Variants in CDH13 observed in about 807,000 individuals in gnomAD.
The protein encoded by CDH13 is cadherin-13.
CDH13 carries 24 observed loss-of-function variants against 63.8 expected under a neutral mutation model. That is an observed-to-expected ratio of 0.38 (90% CI 0.27 to 0.53). The LOEUF is 0.53. CDH13 is among the 20% of genes least tolerant of loss of function. CDH13 has a pLI of 0.85. For synonymous variants in CDH13, 503 were observed against 355.3 expected, an observed-to-expected ratio of 1.42 and a Z score of -4.67; for missense variants, 1,049 against 903.1, an observed-to-expected ratio of 1.16 and a Z score of -2.07.
intron 4 of CDH13, among the ~76,000 whole-genome samples, chr16:83,133,248 A>G (rs184303053): frequency 2.0e-5 from 3 of 152,338 alleles, no homozygotes; most frequent in South Asian, 2.1e-4. Context: ...CGCAATGTCC[A>G]CACTGAGATG....
At chr16:82,982,826 A>G (rs748167147) in intron 2 of CDH13, among the ~76,000 whole-genome samples, 1 of 152,138 alleles carries the variant, frequency 6.6e-6, no homozygotes, top group Non-Finnish European at 1.5e-5. Flanking sequence ...ATTTCCCAGT[A>G]TTTATTGAGG....
At chr16:82,977,411 G>A (rs1909666703) in intron 2 of CDH13, among the ~76,000 whole-genome samples, 4 of 152,184 alleles carry the variant, frequency 2.6e-5, no homozygotes, top group Non-Finnish European at 1.5e-5. Flanking sequence ...ATCTTGAATT[G>A]TAGTTCCCAT....
chr16:83,605,790 T>G (rs924562176), intron 8 of CDH13, among the ~76,000 whole-genome samples: 3 of 152,332 alleles, frequency 2.0e-5, no homozygotes, highest in Admixed American at 2.0e-4. Context: ...CCACCTCCCC[T>G]CCAGGTTAAA....
chr16:83,411,874 A>G (rs1227205027), intron 6 of CDH13, among the ~76,000 whole-genome samples: 1 of 152,214 alleles, frequency 6.6e-6, no homozygotes, highest in Non-Finnish European at 1.5e-5. Context: ...TTTATAAGGT[A>G]GATAGTAACA....
At chr16:83,572,175 G>GTTTTGTGTGT (rs145519267) in intron 7 of CDH13, among the ~76,000 whole-genome samples, 26 of 145,586 alleles carry the variant, frequency 1.8e-4, no homozygotes, top group African/African-American at 5.9e-4. Flanking sequence ...ACTTTCCTGT[G>GTTTTGTGTGT]GTGTGTGTGT....
intron 4 of CDH13, among the ~76,000 whole-genome samples, chr16:83,165,017 T>C (rs1298828864): frequency 6.8e-6 from 1 of 148,148 alleles, no homozygotes; most frequent in African/African-American, 2.5e-5. Flanking sequence ...GCCAGCACAC[T>C]CTCTGCCCAG....
At chr16:83,458,321 G>A (rs1172627823) in intron 6 of CDH13, among the ~76,000 whole-genome samples, 1 of 152,140 alleles carries the variant, frequency 6.6e-6, no homozygotes, top group East Asian at 1.9e-4. Context: ...CATTCTTGTA[G>A]CAAAATCTCA....
At chr16:83,619,128 ACATTCATT>A (rs75587049) in intron 8 of CDH13, among the ~76,000 whole-genome samples, 1 of 152,204 alleles carries the variant, frequency 6.6e-6, no homozygotes, top group Non-Finnish European at 1.5e-5. Flanking sequence ...TTTCCAAAGT[ACATTCATT>A]CATTCATTCA....
At chr16:82,753,937 A>C (rs1464349825) in intron 1 of CDH13, among the ~76,000 whole-genome samples, 1 of 152,228 alleles carries the variant, frequency 6.6e-6, no homozygotes, top group Non-Finnish European at 1.5e-5. Context: ...TGAAGTAGTC[A>C]TCCACTAATT....
At chr16:82,854,843 T>C (rs996795915) in intron 1 of CDH13, among the ~76,000 whole-genome samples, 3 of 152,192 alleles carry the variant, frequency 2.0e-5, no homozygotes, top group Non-Finnish European at 4.4e-5. Context: ...TAATGCCTCT[T>C]TTCTTTTTGA....
At chr16:83,520,277 A>G (rs1238530891) in intron 7 of CDH13, among the ~76,000 whole-genome samples, 1 of 152,224 alleles carries the variant, frequency 6.6e-6, no homozygotes, top group Non-Finnish European at 1.5e-5. Flanking sequence ...AAAAAAGTAC[A>G]TTTTGTATGA....
At chr16:82,827,718 T>G (rs547177577) in intron 1 of CDH13, among the ~76,000 whole-genome samples, 2 of 152,314 alleles carry the variant, frequency 1.3e-5, no homozygotes, top group East Asian at 1.9e-4. Context: ...ATAAAGATTC[T>G]CAGCATGAAT....
intron 4 of CDH13, among the ~76,000 whole-genome samples, chr16:83,152,026 A>G (rs2037004878): frequency 6.6e-6 from 1 of 152,174 alleles, no homozygotes. Flanking sequence ...AAAAAAGAAT[A>G]TTTAGGATTT....
chr16:82,968,296 C>T (rs1908161079), intron 2 of CDH13, among the ~76,000 whole-genome samples: 1 of 152,176 alleles, frequency 6.6e-6, no homozygotes, highest in Non-Finnish European at 1.5e-5. Context: ...TAAAATCTGC[C>T]ACCTTCCACC....
intron 5 of CDH13, among the ~76,000 whole-genome samples, chr16:83,244,639 C>G (rs571489084): frequency 3.9e-5 from 6 of 152,056 alleles, no homozygotes; most frequent in Non-Finnish European, 8.8e-5. Context: ...CTCATGGACT[C>G]TACATCTAGT....
chr16:82,657,612 A>G (rs1567596607), intron 1 of CDH13, among the ~76,000 whole-genome samples: 2 of 152,248 alleles, frequency 1.3e-5, no homozygotes, highest in South Asian at 4.1e-4. Flanking sequence ...TTGGAGAAAG[A>G]GAGACTACTG....
chr16:83,439,952 A>C (rs1343588971), intron 6 of CDH13, among the ~76,000 whole-genome samples: 1 of 152,236 alleles, frequency 6.6e-6, no homozygotes, highest in Non-Finnish European at 1.5e-5. Context: ...CTTGGGTGTC[A>C]AATGTAAAGA....
intron 7 of CDH13, among the ~76,000 whole-genome samples, chr16:83,502,277 G>T (rs1245425169): frequency 6.6e-6 from 1 of 152,178 alleles, no homozygotes; most frequent in Non-Finnish European, 1.5e-5. Context: ...ATAAGGGGGA[G>T]GTGGGAATGG....
intron 1 of CDH13, chr16:82,823,851 T>G (rs1189470445): frequency 6.6e-6 from 1 of 152,166 alleles, no homozygotes. Context: ...ATTATACATA[T>G]GAATTTATTA....
Sources: gnomAD v4.1 joint callset for allele counts (sites outside exome capture counted in the v4.1 genomes callset) on GRCh38, gnomAD v4.1.1 for gene constraint, MANE v1.5 for transcripts, NCBI Gene and HGNC (gene_info 2026-07-23, HGNC 2026-07-21) for gene names.